MSN: variants seen among roughly 807,000 people sequenced by gnomAD.
MSN encodes the protein moesin, also known as epididymis luminal protein 70.
MSN carries 2 observed loss-of-function variants against 48.0 expected under a neutral mutation model. That is an observed-to-expected ratio of 0.04 (90% CI 0.02 to 0.13). The LOEUF is 0.13. Ranked by LOEUF, MSN falls within the 10% of genes least tolerant of loss-of-function variation. The probability of loss-of-function intolerance (pLI) is 1.00; values close to 1 mark genes in which losing one functional copy is unlikely to be tolerated. For missense variants in MSN, 267 were observed against 470.1 expected (o/e 0.57, Z 3.99); for synonymous variants, 146 against 166.9 (o/e 0.87, Z 0.97).
chrX:65,726,760 T>A (rs1302269459), intron 2 of MSN, among the ~76,000 whole-genome samples: 1 of 111,171 alleles, frequency 9.0e-6, no homozygotes, highest in East Asian at 2.8e-4. Context: ...ACCCTTACCC[T>A]CCACTTGCAT....
chrX:65,702,022 T>C (rs954192539), intron 1 of MSN, among the ~76,000 whole-genome samples: 98 of 106,983 alleles, frequency 9.2e-4, no homozygotes, highest in African/African-American at 3.2e-3. Flanking sequence ...TTTTTTTTTT[T>C]TGAGACGGAG....
intron 1 of MSN, among the ~76,000 whole-genome samples, chrX:65,670,916 A>ATATATATATT (rs2070930845): frequency 9.3e-5 from 4 of 42,887 alleles, no homozygotes; most frequent in African/African-American, 3.6e-4. Flanking sequence ...ATATATATAT[A>ATATATATATT]TATATATATA....
At chrX:65,659,570 G>C (rs1392073306) in intron 1 of MSN, among the ~76,000 whole-genome samples, 3 of 111,390 alleles carry the variant, frequency 2.7e-5, no homozygotes, top group Non-Finnish European at 5.6e-5. Context: ...TTTCAAACTG[G>C]ACCCCAAGTC....
At chrX:65,631,348 C>G (rs1208128024) in intron 1 of MSN, among the ~76,000 whole-genome samples, 2 of 110,960 alleles carry the variant, frequency 1.8e-5, no homozygotes, top group Non-Finnish European at 3.8e-5. Context: ...CCCACCTCGG[C>G]CTCCCAAAGT....
At chrX:65,670,968 T>C in intron 1 of MSN, among the ~76,000 whole-genome samples, 1 of 66,839 alleles carries the variant, frequency 1.5e-5, no homozygotes, top group Non-Finnish European at 2.7e-5. Flanking sequence ...AAAAAGGCCT[T>C]TCCCCCTCCC....
rs1385414736 is a variant in MSN at position 65,614,953 on chromosome X, T to C, written c.-22+26341T>C. 4.4e-5 allele frequency among the ~76,000 whole-genome samples: 4 copies of C among 91,248 alleles called. No homozygotes were observed. The East Asian group carries it at 1.4e-3, about 33-fold the overall frequency. The allele number at this position is 91,248 out of a possible 115,157, so 79.2% of individuals were successfully genotyped here. On this transcript the variant is annotated intron_variant, in intron 1 of 3. Coordinates refer to the MSN transcript ENST00000609672. Reference sequence around the variant, plus strand: ...CCCACCTATGAGTGAGAATATGCGGTGTTTGGTTTTTTGTTCTTGTGATAG... The same window carrying C: ...CCCACCTATGAGTGAGAATATGCGGCGTTTGGTTTTTTGTTCTTGTGATAG...
intron 1 of MSN, among the ~76,000 whole-genome samples, chrX:65,689,743 G>GA (rs1425338513): frequency 2.7e-5 from 3 of 111,773 alleles, no homozygotes; most frequent in Non-Finnish European, 5.6e-5. Context: ...TGTGGCAAAT[G>GA]AAAAAAACAA....
At chrX:65,660,607 G>A (rs2070815048) in intron 1 of MSN, among the ~76,000 whole-genome samples, 1 of 99,215 alleles carries the variant, frequency 1.0e-5, no homozygotes, top group Non-Finnish European at 2.0e-5. Context: ...TCGCTCTGTT[G>A]CCAGGCTGGA....
At chrX:65,649,879 A>C (rs2070727695) in intron 1 of MSN, among the ~76,000 whole-genome samples, 2 of 107,449 alleles carry the variant, frequency 1.9e-5, no homozygotes, top group Admixed American at 2.0e-4. Flanking sequence ...ATCCACAAAT[A>C]ACATACGCAC....
chrX:65,657,464 G>T (rs1012400329), intron 1 of MSN, among the ~76,000 whole-genome samples: 4 of 110,917 alleles, frequency 3.6e-5, no homozygotes, highest in Non-Finnish European at 5.7e-5. Context: ...GGCTGGGGGG[G>T]CTGATGACTT....
At chrX:65,738,145 C>T (rs1313535844) in intron 10 of MSN, among the ~76,000 whole-genome samples, 1 of 112,068 alleles carries the variant, frequency 8.9e-6, no homozygotes, top group Admixed American at 9.5e-5. Flanking sequence ...GACTCTTAGT[C>T]GAATCCTGAG....
intron 1 of MSN, among the ~76,000 whole-genome samples, chrX:65,712,909 T>C (rs1024321474): frequency 3.6e-5 from 4 of 111,523 alleles, no homozygotes; most frequent in Admixed American, 9.6e-5. Flanking sequence ...TGGTTTACAT[T>C]GTGAGGTTTG....
intron 1 of MSN, among the ~76,000 whole-genome samples, chrX:65,615,899 GA>G (rs1227515486): frequency 9.0e-6 from 1 of 111,049 alleles, no homozygotes; most frequent in Non-Finnish European, 1.9e-5. Flanking sequence ...GTAAGGAAGG[GA>G]TCCAGTTTCA....
Position 65,630,047 on chromosome X carries a change from T to G in MSN, c.-22+41435T>G, listed in dbSNP as rs529057028. ...TACAAAAATTCGCTGGGTGTGGTGG[T>G]GGGTGCTTGTAATCCCAGCTACTCG... On this transcript the variant is annotated intron_variant, in intron 1 of 3. Transcript: ENST00000609672. Among the ~76,000 whole-genome samples the G allele has an allele frequency of 1.4e-3, 153 of 110,571 alleles. 2 individuals are homozygous for G. The South Asian group carries it at 0.056, about 40-fold the overall frequency.
At chrX:65,605,820 G>C (rs2070273951) in intron 1 of MSN, among the ~76,000 whole-genome samples, 1 of 111,734 alleles carries the variant, frequency 8.9e-6, no homozygotes, top group Non-Finnish European at 1.9e-5. Context: ...ATATTCACTG[G>C]CTCTGAGAGA....
intron 1 of MSN, among the ~76,000 whole-genome samples, chrX:65,642,608 C>T (rs2070665702): frequency 9.0e-6 from 1 of 110,972 alleles, no homozygotes; most frequent in Admixed American, 9.7e-5. Flanking sequence ...AGGATCTGGG[C>T]CAGAGAGAAT....
chrX:65,648,882 A>C (rs1202942862), intron 1 of MSN, among the ~76,000 whole-genome samples: 1 of 108,140 alleles, frequency 9.2e-6, no homozygotes, highest in Non-Finnish European at 1.9e-5. Context: ...AATAAAATAA[A>C]ATAAAATAAA....
chrX:65,709,147 AT>A (rs979382392), intron 1 of MSN, among the ~76,000 whole-genome samples: 1 of 111,318 alleles, frequency 9.0e-6, no homozygotes, highest in Non-Finnish European at 1.9e-5. Context: ...GGATATACTG[AT>A]TTTTTTTCCT....
At chrX:65,705,111 G>C (rs2071348341) in intron 1 of MSN, among the ~76,000 whole-genome samples, 1 of 111,329 alleles carries the variant, frequency 9.0e-6, no homozygotes, top group East Asian at 2.8e-4. Flanking sequence ...ACACTGCCTA[G>C]CAGCTGTGTG....
Sources: allele counts gnomAD v4.1 joint callset (sites outside exome capture counted in the v4.1 genomes callset), GRCh38; gene constraint gnomAD v4.1.1; transcripts MANE v1.5; gene names NCBI Gene and HGNC (gene_info 2026-07-23, HGNC 2026-07-21).